The following UBR3 variants were observed in gnomAD, a reference collection of about 807,000 sequenced individuals.
The protein encoded by UBR3 is ubiquitin protein ligase E3 component n-recognin 3, also known as E3 ubiquitin-protein ligase UBR3.
In UBR3, 85 loss-of-function variants were observed where a neutral mutation model predicts 243.2. That is an observed-to-expected ratio of 0.35 (90% confidence interval 0.29 to 0.42). UBR3 has a LOEUF of 0.42. UBR3 is among the 10% of genes least tolerant of loss of function. The probability of loss-of-function intolerance (pLI) is 1.00; values close to 1 mark genes in which losing one functional copy is unlikely to be tolerated. For synonymous variants in UBR3, 748 were observed against 799.8 expected, an observed-to-expected ratio of 0.94 and a Z score of 1.09; for missense variants, 1,686 against 2,300.8, an observed-to-expected ratio of 0.73 and a Z score of 5.47.
chr2:169,909,952 T>C lies in UBR3; in HGVS notation c.1779+3788T>C, dbSNP rs566255854. Among the ~76,000 whole-genome samples, 6 of 152,222 alleles carry C rather than the reference T, an allele frequency of 3.9e-5. No individual in the cohort carries two copies. In the East Asian group the frequency reaches 5.8e-4, roughly 15 times the overall value. On this transcript the variant is annotated intron_variant, in intron 10 of 38. Coordinates refer to ENST00000272793, the MANE Select transcript of UBR3 (RefSeq NM_172070.4). ...TACAGGCTTGGTGATGGATTGTACA[T>C]TGTTGATGAGAGAGAGAGACTTTTG...
At chr2:169,958,292 A>G in intron 23 of UBR3, 146 bp from the exon 24 acceptor site, 1 of 532,862 alleles carries the variant, frequency 1.9e-6, no homozygotes, top group South Asian at 3.5e-5. Context: ...ACAATCAAGT[A>G]TTAGAAGAAA....
At chr2:169,936,696 G>C (rs906049374) in intron 19 of UBR3, among the ~76,000 whole-genome samples, 1 of 151,188 alleles carries the variant, frequency 6.6e-6, no homozygotes, top group African/African-American at 2.4e-5. Context: ...AACAGGGCCC[G>C]GTGTGTGATG....
In UBR3 at chr2:170,082,635, G is replaced by A. The variant is rs1462977956; in HGVS notation, c.*792G>A. ...AACAAATCTTACTATGAAATCAAGA[G>A]GTTTAAGAACATACACTGGGCAGAT... is the stretch of plus-strand genomic sequence containing the variant. On this transcript the variant is annotated 3_prime_UTR_variant, in exon 39 of 39. Coordinates refer to ENST00000272793, the MANE Select transcript of UBR3 (RefSeq NM_172070.4). The A allele has an allele frequency of 1.3e-5, 2 of 152,534 alleles. No homozygotes were observed. Among genetic ancestry groups the A allele is most frequent in the African/African-American group, 2.4e-5 (1 of 41,418 alleles). 9.4% of individuals were successfully genotyped at this position (152,534 alleles called of 1,614,324 possible). A position where few individuals can be genotyped will look rare whatever the true frequency, so the allele number is the denominator to read the frequency against.
chr2:170,045,137 A>T (rs1025041021), intron 32 of UBR3, among the ~76,000 whole-genome samples: 4 of 152,176 alleles, frequency 2.6e-5, no homozygotes, highest in Non-Finnish European at 5.9e-5. Flanking sequence ...GAGGTCTCAC[A>T]ATCATGGCAG....
chr2:169,851,360 A>C (rs1005438425), intron 1 of UBR3, among the ~76,000 whole-genome samples: 12 of 152,186 alleles, frequency 7.9e-5, no homozygotes. Flanking sequence ...TCTGAGCTCA[A>C]TCAAGTGATA....
intron 30 of UBR3, among the ~76,000 whole-genome samples, chr2:170,019,447 G>T (rs13007280): frequency 0.43 from 66,071 of 152,018 alleles, 15,464 homozygotes; most frequent in Non-Finnish European, 0.54. Flanking sequence ...ATTTTGGGAA[G>T]CTGAGGTTGG....
intron 5 of UBR3, among the ~76,000 whole-genome samples, chr2:169,890,567 G>GTGTATATATA (rs1475776277): frequency 5.0e-5 from 3 of 59,536 alleles, no homozygotes; most frequent in Non-Finnish European, 9.5e-5. Flanking sequence ...ATATATATGT[G>GTGTATATATA]TATATATATA....
chr2:169,986,338 T>C lies in UBR3; in HGVS notation c.3635-307T>C, dbSNP rs147556051. Among the ~76,000 whole-genome samples, 923 of 152,316 alleles carry C rather than the reference T, an allele frequency of 6.1e-3. 10 individuals are homozygous for C. Among genetic ancestry groups the C allele is most frequent in the African/African-American group, 0.021 (878 of 41,566 alleles). On this transcript the variant is annotated intron_variant, in intron 24 of 38. Coordinates refer to ENST00000272793, the MANE Select transcript of UBR3 (RefSeq NM_172070.4). ...CTTTCTGTAACATGTTATTTTAAAA[T>C]ATTTCTCTTTTGATACAAATATCTT...
chr2:169,946,827 T>G (rs2086806620), intron 21 of UBR3, among the ~76,000 whole-genome samples: 1 of 152,126 alleles, frequency 6.6e-6, no homozygotes, highest in Non-Finnish European at 1.5e-5. Flanking sequence ...ATAATTTGAT[T>G]AGGGATTATT....
intron 24 of UBR3, among the ~76,000 whole-genome samples, chr2:169,976,937 T>G (rs1009602845): frequency 6.6e-6 from 1 of 152,154 alleles, no homozygotes; most frequent in Non-Finnish European, 1.5e-5. Flanking sequence ...CTCAAGTAAT[T>G]TTAAATGACT....
At chr2:170,074,260 T>C (rs1273171666) in intron 36 of UBR3, among the ~76,000 whole-genome samples, 2 of 152,190 alleles carry the variant, frequency 1.3e-5, no homozygotes, top group Admixed American at 6.6e-5. Flanking sequence ...ATTTTTCTGA[T>C]TGTAAAACTT....
At chr2:169,955,403 A>G (rs2087233009) in intron 23 of UBR3, among the ~76,000 whole-genome samples, 1 of 151,978 alleles carries the variant, frequency 6.6e-6, no homozygotes, top group Non-Finnish European at 1.5e-5. Context: ...ATTATTACAG[A>G]TTTGGCCACT....
At chr2:169,868,871 A>G (rs1296671754) in intron 1 of UBR3, among the ~76,000 whole-genome samples, 2 of 152,176 alleles carry the variant, frequency 1.3e-5, no homozygotes, top group Non-Finnish European at 2.9e-5. Context: ...TGGTTTACAT[A>G]TTGCATGTGC....
At chr2:169,960,965 T>C (rs2087544505) in intron 24 of UBR3, among the ~76,000 whole-genome samples, 1 of 152,124 alleles carries the variant, frequency 6.6e-6, no homozygotes. Flanking sequence ...TTTCTTCCAG[T>C]CCCTTGATTG....
Position 169,942,616 on chromosome 2 carries a change from A to G in UBR3, c.2787A>G (p.Leu929=), listed in dbSNP as rs1574253211. ...LLHCKTLHIV[L]FTLLYKILMD... is the part of the protein sequence containing the mutation. ...ACTGTAAAACTTTACACATTGTGCT[A>G]TTCACTCTGCTTTACAAGGTACAGT... Residue 929 remains leucine (L), a synonymous_variant, in exon 20 of 39, where the codon CTA becomes CTG. Coordinates refer to ENST00000272793, the MANE Select transcript of UBR3 (RefSeq NM_172070.4). 8 of 1,545,856 alleles carry G rather than the reference A, an allele frequency of 5.2e-6. No individual in the cohort carries two copies. The highest frequency in any genetic ancestry group is 2.5e-5 in the East Asian group (1 of 40,762).
intron 23 of UBR3, among the ~76,000 whole-genome samples, chr2:169,951,378 T>C (rs567671609): frequency 4.6e-5 from 7 of 152,302 alleles, no homozygotes; most frequent in Non-Finnish European, 8.8e-5. Flanking sequence ...CTTACTTGAT[T>C]GATCCGTTTC....
chr2:169,929,562 A>G (rs1285023083), intron 18 of UBR3, among the ~76,000 whole-genome samples: 3 of 151,958 alleles, frequency 2.0e-5, no homozygotes, highest in Admixed American at 6.6e-5. Context: ...AGGCAACAAG[A>G]GTGAAACTCC....
intron 28 of UBR3, among the ~76,000 whole-genome samples, chr2:170,008,347 G>A (rs2105405680): frequency 6.6e-6 from 1 of 152,302 alleles, no homozygotes; most frequent in East Asian, 1.9e-4. Context: ...CCTTTCTCAA[G>A]CGAAGACTAA....
intron 11 of UBR3, among the ~76,000 whole-genome samples, chr2:169,919,855 G>A (rs1418430477): frequency 3.9e-5 from 6 of 152,112 alleles, no homozygotes; most frequent in African/African-American, 1.2e-4. Flanking sequence ...CTTTTACACT[G>A]TTGGTGGGAC....
Sources: gnomAD v4.1 joint callset for allele counts (sites outside exome capture counted in the v4.1 genomes callset) on GRCh38, gnomAD v4.1.1 for gene constraint, MANE v1.5 for transcripts, NCBI Gene and HGNC (gene_info 2026-07-23, HGNC 2026-07-21) for gene names.